FSTL5: variants seen among roughly 807,000 people sequenced by gnomAD.
FSTL5 encodes the protein follistatin-related protein 5.
In FSTL5, 62 loss-of-function variants were observed where a neutral mutation model predicts 89.1. The observed-to-expected ratio is 0.70, with a 90% CI of 0.57 to 0.86. The LOEUF (loss-of-function observed/expected upper bound fraction) is 0.86, where lower values mean the gene tolerates loss of function less well. FSTL5 is among the 40% of genes least tolerant of loss of function. FSTL5 has a pLI of 0.00. For missense variants in FSTL5, 1,057 were observed against 1,001.6 expected (o/e 1.06, Z -0.75); for synonymous variants, 383 against 346.2 (o/e 1.11, Z -1.18).
At chr4:161,945,037 G>T (rs759726026) in intron 3 of FSTL5, among the ~76,000 whole-genome samples, 46 of 151,996 alleles carry the variant, frequency 3.0e-4, no homozygotes, top group Non-Finnish European at 6.2e-4. Flanking sequence ...GATTCATACA[G>T]TAAGTGTTTT....
intron 6 of FSTL5, among the ~76,000 whole-genome samples, chr4:161,686,002 T>C (rs1043187023): frequency 6.6e-6 from 1 of 152,140 alleles, no homozygotes. Flanking sequence ...TTTCTGCAGC[T>C]ATTGAGATGG....
chr4:161,954,535 T>C (rs1021484399), intron 3 of FSTL5, among the ~76,000 whole-genome samples: 6 of 151,630 alleles, frequency 4.0e-5, no homozygotes, highest in African/African-American at 1.4e-4. Context: ...TGTGCATGTG[T>C]GTATGTTTGT....
intron 15 of FSTL5, among the ~76,000 whole-genome samples, chr4:161,426,976 T>G (rs557167366): frequency 3.3e-5 from 5 of 152,148 alleles, no homozygotes; most frequent in Non-Finnish European, 7.4e-5. Flanking sequence ...TTGTTGAGCT[T>G]AAAATGTAAA....
chr4:161,603,030 T>C (rs1287629069), intron 7 of FSTL5, among the ~76,000 whole-genome samples: 2 of 152,146 alleles, frequency 1.3e-5, no homozygotes, highest in Non-Finnish European at 2.9e-5. Flanking sequence ...GGTAGTTGTG[T>C]ACCTATATCA....
intron 3 of FSTL5, among the ~76,000 whole-genome samples, chr4:161,941,527 A>C (rs960081827): frequency 6.6e-5 from 10 of 151,944 alleles, no homozygotes; most frequent in African/African-American, 9.7e-5. Flanking sequence ...TAGACAATAC[A>C]TCTAAAATTG....
chr4:162,063,719 A>G lies in FSTL5; in HGVS notation c.127-30061T>C, dbSNP rs185116272. ...AATTCAATTTTTGTGCTTCCCTAAA[A>G]CATACAACAAACTCCTTATTTTGAT... On this transcript the variant is annotated intron_variant, in intron 2 of 15. Coordinates refer to ENST00000306100, the MANE Select transcript of FSTL5 (RefSeq NM_020116.5). 5.9e-5 allele frequency among the ~76,000 whole-genome samples: 9 copies of G among 152,040 alleles called. No homozygotes were observed. The East Asian group carries it at 1.7e-3, about 29-fold the overall frequency.
intron 3 of FSTL5, among the ~76,000 whole-genome samples, chr4:161,925,719 C>A (rs185043190): frequency 7.4e-4 from 112 of 151,904 alleles, no homozygotes; most frequent in African/African-American, 2.6e-3. Context: ...TCATTTATTA[C>A]AGATTTGGTA....
chr4:162,076,213 C>T (rs1254291362), intron 2 of FSTL5, among the ~76,000 whole-genome samples: 5 of 151,864 alleles, frequency 3.3e-5, no homozygotes, highest in South Asian at 2.1e-4. Flanking sequence ...ACCATCATAT[C>T]GCTATAGCTA....
chr4:161,887,880 C>G (rs1246124871), intron 4 of FSTL5, among the ~76,000 whole-genome samples: 1 of 152,142 alleles, frequency 6.6e-6, no homozygotes, highest in African/African-American at 2.4e-5. Context: ...AAGAATAACA[C>G]CTTGCCAAGC....
intron 15 of FSTL5, among the ~76,000 whole-genome samples, chr4:161,418,828 G>A (rs564936928): frequency 6.6e-6 from 1 of 152,244 alleles, no homozygotes; most frequent in Admixed American, 6.5e-5. Flanking sequence ...CCAAATGTTG[G>A]GAACAAAATA....
intron 5 of FSTL5, among the ~76,000 whole-genome samples, chr4:161,772,063 A>AT (rs1011103016): frequency 6.6e-6 from 1 of 151,984 alleles, no homozygotes; most frequent in Non-Finnish European, 1.5e-5. Flanking sequence ...TTATCCACTG[A>AT]TTTTTTTATG....
intron 6 of FSTL5, among the ~76,000 whole-genome samples, chr4:161,730,655 A>T (rs537034237): frequency 6.6e-6 from 1 of 152,234 alleles, no homozygotes; most frequent in South Asian, 2.1e-4. Context: ...TTTTAGCCAG[A>T]TTCTCACAAA....
chr4:161,615,776 G>A (rs559335006), intron 7 of FSTL5, among the ~76,000 whole-genome samples: 4 of 151,994 alleles, frequency 2.6e-5, no homozygotes, highest in East Asian at 3.9e-4. Context: ...ACATTAGAAC[G>A]AATGCACAAG....
intron 4 of FSTL5, among the ~76,000 whole-genome samples, chr4:161,901,368 T>G (rs1271846639): frequency 6.6e-6 from 1 of 152,116 alleles, no homozygotes; most frequent in Non-Finnish European, 1.5e-5. Context: ...GGAGTGAGGT[T>G]GTTTTAGTAC....
chr4:162,088,615 G>A lies in FSTL5; in HGVS notation c.126+22656C>T, dbSNP rs1730416042. Among the ~76,000 whole-genome samples, 3 of 151,992 alleles carry A rather than the reference G, an allele frequency of 2.0e-5. No individual in the cohort carries two copies. The South Asian group carries it at 6.2e-4, about 32-fold the overall frequency. The stretch of plus-strand genomic sequence containing the variant: ...TTTAACACCCTCAAAATACATAACT[G>A]TAAGTTAGCTACTTAAGAGAGAAGG... On this transcript the variant is annotated intron_variant, in intron 2 of 15. Coordinates refer to ENST00000306100, the MANE Select transcript of FSTL5 (RefSeq NM_020116.5).
intron 7 of FSTL5, among the ~76,000 whole-genome samples, chr4:161,624,416 A>G (rs956501530): frequency 5.1e-4 from 77 of 152,086 alleles, no homozygotes; most frequent in African/African-American, 1.7e-3. Context: ...CTGAATAATA[A>G]TTCAGGGAAT....
At chr4:161,564,086 T>G (rs1732712357) in intron 8 of FSTL5, among the ~76,000 whole-genome samples, 1 of 151,868 alleles carries the variant, frequency 6.6e-6, no homozygotes, top group African/African-American at 2.4e-5. Context: ...GATATTAATT[T>G]TCTTCAGAGT....
chr4:161,607,604 C>T (rs567577844), intron 7 of FSTL5, among the ~76,000 whole-genome samples: 11 of 152,234 alleles, frequency 7.2e-5, no homozygotes, highest in African/African-American at 2.4e-4. Flanking sequence ...CTAATAAAGA[C>T]TGCATGGCTA....
chr4:161,713,707 A>G (rs1274617125), intron 6 of FSTL5, among the ~76,000 whole-genome samples: 1 of 152,150 alleles, frequency 6.6e-6, no homozygotes, highest in African/African-American at 2.4e-5. Flanking sequence ...TGTATTAGTT[A>G]CATTATTCTC....
Sources: allele counts gnomAD v4.1 joint callset (sites outside exome capture counted in the v4.1 genomes callset), GRCh38; gene constraint gnomAD v4.1.1; transcripts MANE v1.5; gene names NCBI Gene and HGNC (gene_info 2026-07-23, HGNC 2026-07-21).